BFSP1: variants seen among roughly 807,000 people sequenced by gnomAD.
The protein encoded by BFSP1 is filensin.
In BFSP1, 38 loss-of-function variants were observed where a neutral mutation model predicts 43.9. The ratio of observed to expected loss-of-function variants is 0.87; its 90% CI spans 0.67 to 1.14. The LOEUF is 1.14. Ranked by LOEUF, BFSP1 falls within the 50% of genes most tolerant of loss-of-function variation. The probability of loss-of-function intolerance (pLI) is 0.00; values close to 1 mark genes in which losing one functional copy is unlikely to be tolerated. For synonymous variants in BFSP1, 352 were observed against 354.8 expected, an observed-to-expected ratio of 0.99 and a Z score of 0.09; for missense variants, 850 against 875.1, an observed-to-expected ratio of 0.97 and a Z score of 0.36.
chr20:17,510,126 G>A lies in BFSP1; in HGVS notation c.628-1130C>T, dbSNP rs897221201. Among the ~76,000 whole-genome samples the A allele has an allele frequency of 7.2e-4, 109 of 152,262 alleles. 1 individual carries two copies. Among genetic ancestry groups the A allele is most frequent in the African/African-American group, 2.2e-3 (93 of 41,554 alleles). ...ATAAAGATGTGACACTTTCTCAATCGGTGCTTCTCTATCCTGAGCATGCAC... is the reference window on the plus strand; with the variant it reads ...ATAAAGATGTGACACTTTCTCAATCAGTGCTTCTCTATCCTGAGCATGCAC... On this transcript the variant is annotated intron_variant, in intron 4 of 7. Transcript: ENST00000377873.
intron 2 of BFSP1, among the ~76,000 whole-genome samples, chr20:17,515,849 A>G (rs1435028070): frequency 1.3e-5 from 2 of 152,180 alleles, no homozygotes; most frequent in African/African-American, 4.8e-5. Context: ...AGTCTTAGCA[A>G]TGGGCTCTCA....
At chr20:17,564,166 T>C (rs1281310335) in intron 1 of BFSP1, among the ~76,000 whole-genome samples, 2 of 151,386 alleles carry the variant, frequency 1.3e-5, no homozygotes, top group Non-Finnish European at 2.9e-5. Context: ...GACTCTGTCT[T>C]TACATACACA....
Position 17,494,947 on chromosome 20 carries a change from CT to C in BFSP1, c.1124del (p.Glu375GlyfsTer3), listed in dbSNP as rs2123446094. 1 of 1,614,188 alleles carries C rather than the reference CT, an allele frequency of 6.2e-7. No individual in the cohort carries two copies. The highest frequency in any genetic ancestry group is 8.5e-7 in the Non-Finnish European group (1 of 1,180,038). On this transcript the variant is annotated frameshift_variant, in exon 8 of 8. Coordinates refer to ENST00000377873, the MANE Select transcript of BFSP1 (RefSeq NM_001195.5). LOFTEE classifies it low-confidence loss of function (END_TRUNC). ...CGTTGGTTTTGTCTTTTGTTATAAT[CT>C]CTTTTCTCCTTGGAACATTCTTGGG... is the stretch of plus-strand genomic sequence containing the variant. ...ALPKNVPRRK[E>X]IITKDKTNGA... is the part of the protein sequence containing the mutation.
upstream of BFSP1, among the ~76,000 whole-genome samples, chr20:17,561,030 C>T (rs2035062408): frequency 6.6e-6 from 1 of 152,156 alleles, no homozygotes. Context: ...TCATTCCTAT[C>T]CTTCATGATT....
chr20:17,515,942 G>T (rs567792629), intron 2 of BFSP1, among the ~76,000 whole-genome samples: 1 of 152,180 alleles, frequency 6.6e-6, no homozygotes, highest in South Asian at 2.1e-4. Context: ...TGACAGTCAC[G>T]ATATGTGGAC....
intron 1 of BFSP1, among the ~76,000 whole-genome samples, chr20:17,555,321 A>G (rs1056920964): frequency 3.3e-5 from 5 of 150,860 alleles, no homozygotes; most frequent in Non-Finnish European, 7.4e-5. Flanking sequence ...AGAATAGTAC[A>G]AAGTTTTACT....
Position 17,525,780 on chromosome 20 carries a change from A to G in BFSP1, c.378-872T>C, listed in dbSNP as rs758098106. ...AGAGCCCTTGATGCTTGGCAAGCAC[A>G]GGACTGCCTAGAAGGGAGACTACAT... On this transcript the variant is annotated intron_variant, in intron 1 of 7. Transcript: ENST00000377873. This position sits in a 1 kb window ranked among gnomAD's most constrained non-coding sequence, Gnocchi z 4.2. Among the ~76,000 whole-genome samples, 2 of 152,182 alleles carry G rather than the reference A, an allele frequency of 1.3e-5. No individual in the cohort carries two copies. The highest frequency in any genetic ancestry group is 2.9e-5 in the Non-Finnish European group (2 of 68,026).
At chr20:17,514,906 G>A (rs1600651718) in intron 2 of BFSP1, 90 bp from the exon 3 acceptor site, 2 of 1,157,900 alleles carry the variant, frequency 1.7e-6, no homozygotes, top group East Asian at 4.8e-5. Flanking sequence ...GACCACCTGG[G>A]AGCTTACTGA....
chr20:17,508,745 C>T, intron 5 of BFSP1, 144 bp downstream of exon 5: 1 of 775,296 alleles, frequency 1.3e-6, no homozygotes, highest in South Asian at 2.3e-5. Context: ...CTTGGCCACC[C>T]ACTCAGAAAA....
intron 1 of BFSP1, among the ~76,000 whole-genome samples, chr20:17,527,756 G>A (rs965157910): frequency 1.6e-4 from 25 of 152,106 alleles, no homozygotes; most frequent in African/African-American, 5.5e-4. Flanking sequence ...AAATAAGAGA[G>A]AGAGAGAGAG....
chr20:17,517,449 A>G (rs2034223836), intron 2 of BFSP1: 1 of 604,766 alleles, frequency 1.7e-6, no homozygotes, highest in South Asian at 1.9e-5. Flanking sequence ...ACGCCCAGCT[A>G]ATTTTTCTAT....
At chr20:17,559,719 C>A (rs910619131), upstream of BFSP1, among the ~76,000 whole-genome samples, 3 of 152,130 alleles carry the variant, frequency 2.0e-5, no homozygotes, top group Admixed American at 2.0e-4. Context: ...ACTGTGCATG[C>A]AATGAATCTA....
Position 17,495,100 on chromosome 20 carries a change from A to G in BFSP1, c.1043-71T>C. Reference sequence around the variant, plus strand: ...AGAGAAAGAAAATACGCTGGTTGGAAAATAGGCTAACTCTCTCGGAAACAA... The same window carrying G: ...AGAGAAAGAAAATACGCTGGTTGGAGAATAGGCTAACTCTCTCGGAAACAA... On this transcript the variant is annotated intron_variant, in intron 7 of 7. Transcript: ENST00000377873. The G allele has an allele frequency of 3.5e-6, 5 of 1,411,090 alleles. No individual in the cohort carries two copies. In the South Asian group the frequency reaches 6.7e-5, roughly 19 times the overall value. The allele number at this position is 1,411,090 out of a possible 1,614,324, so 87.4% of individuals were successfully genotyped here.
chr20:17,514,961 T>C (rs2034166789), intron 2 of BFSP1, 145 bp from the exon 3 acceptor site: 1 of 688,218 alleles, frequency 1.5e-6, no homozygotes, highest in Non-Finnish European at 2.5e-6. Context: ...TCTGAGATTA[T>C]GCATTCTAGC....
Position 17,494,577 on chromosome 20 carries a change from C to T in BFSP1, c.1495G>A (p.Val499Ile). The change falls in exon 8 of 8, where the codon GTT becomes ATT. Residue 499 changes from valine (V) to isoleucine (I), a missense_variant. Transcript: ENST00000377873. The part of the protein sequence containing the change: ...ITAKGGVAVS[V>I]AEDSVLYDGQ... ...TCATAAAGCACAGAGTCTTCCGCAA[C>T]AGAAACAGCCACCCCACCTTTAGCT... is the stretch of plus-strand genomic sequence containing the variant. 1 of 1,614,218 alleles carries T rather than the reference C, an allele frequency of 6.2e-7. No homozygotes were observed. Among genetic ancestry groups the T allele is most frequent in the Non-Finnish European group, 8.5e-7 (1 of 1,180,036 alleles).
In BFSP1 at chr20:17,517,011, T is replaced by C. The variant is rs1250783300; in HGVS notation, c.439-2195A>G. ...GCAACTGGAGGATGGATGTGCTTTG[T>C]CTGACTACAACATTCAAAAGGAGTC... On this transcript the variant is annotated intron_variant, in intron 2 of 7. Coordinates refer to ENST00000377873, the MANE Select transcript of BFSP1 (RefSeq NM_001195.5). 23 of 781,756 alleles carry C rather than the reference T, an allele frequency of 2.9e-5. No individual in the cohort carries two copies. In the Admixed American group the frequency reaches 3.4e-4, roughly 12 times the overall value. The allele number at this position is 781,756 out of a possible 1,614,324, so 48.4% of individuals were successfully genotyped here.
upstream of BFSP1, among the ~76,000 whole-genome samples, chr20:17,533,235 G>C (rs991211943): frequency 1.3e-5 from 2 of 152,086 alleles, no homozygotes; most frequent in African/African-American, 4.8e-5. Context: ...AAATGTAATT[G>C]TATGGTCAAA....
At chr20:17,501,581 C>A (rs2033802239) in intron 5 of BFSP1, among the ~76,000 whole-genome samples, 1 of 104,864 alleles carries the variant, frequency 9.5e-6, no homozygotes, top group Admixed American at 1.1e-4. Context: ...GACTGGGTGA[C>A]AGAGCGAGAC....
upstream of BFSP1, among the ~76,000 whole-genome samples, chr20:17,559,670 C>T (rs924544283): frequency 7.2e-5 from 11 of 152,110 alleles, no homozygotes; most frequent in Admixed American, 3.9e-4. Context: ...AGATCAGCGG[C>T]GGCATTAGAT....
Sources: gnomAD v4.1 joint callset for allele counts (sites outside exome capture counted in the v4.1 genomes callset) on GRCh38, gnomAD v4.1.1 for gene constraint, Gnocchi (gnomAD v3.1) non-coding constraint, MANE v1.5 for transcripts, NCBI Gene and HGNC (gene_info 2026-07-23, HGNC 2026-07-21) for gene names.